Variants in CDCA2 observed in about 807,000 individuals in gnomAD.
CDCA2 encodes the protein cell division cycle associated 2, also known as cell division cycle-associated protein 2.
CDCA2 carries 44 observed loss-of-function variants against 67.0 expected under a neutral mutation model. That is an observed-to-expected ratio of 0.66 (90% CI 0.52 to 0.84). The LOEUF is 0.84. Ranked by LOEUF, CDCA2 falls within the 40% of genes least tolerant of loss-of-function variation. CDCA2 has a pLI of 0.00. For missense variants in CDCA2, 1,253 were observed against 1,203.2 expected (o/e 1.04, Z -0.61); for synonymous variants, 447 against 418.7 (o/e 1.07, Z -0.82).
At chr8:25,462,456 A>G (rs1289813058) in intron 4 of CDCA2, among the ~76,000 whole-genome samples, 4 of 152,200 alleles carry the variant, frequency 2.6e-5, no homozygotes, top group Admixed American at 6.5e-5. Context: ...GTGAAACCCC[A>G]TCTCTACTAA....
At chr8:25,485,024 T>G (rs928632351) in intron 10 of CDCA2, among the ~76,000 whole-genome samples, 6 of 152,118 alleles carry the variant, frequency 3.9e-5, no homozygotes, top group African/African-American at 1.2e-4. Flanking sequence ...GCAAAGCCAT[T>G]TAATGTTTGA....
intron 5 of CDCA2, among the ~76,000 whole-genome samples, chr8:25,467,066 ACACAC>A (rs1361619216): frequency 2.0e-5 from 2 of 102,450 alleles, no homozygotes; most frequent in African/African-American, 8.4e-5. Flanking sequence ...AAAAAAAAAA[ACACAC>A]ACACACACAC....
intron 8 of CDCA2, among the ~76,000 whole-genome samples, chr8:25,482,000 A>G (rs1045510086): frequency 6.6e-6 from 1 of 152,202 alleles, no homozygotes; most frequent in African/African-American, 2.4e-5. Context: ...ATTCTTGATA[A>G]CAAGGACTGG....
At chr8:25,474,145 A>G (rs1336890406) in intron 7 of CDCA2, among the ~76,000 whole-genome samples, 3 of 152,200 alleles carry the variant, frequency 2.0e-5, no homozygotes, top group Non-Finnish European at 4.4e-5. Flanking sequence ...GGATAAATCT[A>G]ATTTGATCAT....
intron 7 of CDCA2, among the ~76,000 whole-genome samples, chr8:25,472,512 A>G (rs1803197687): frequency 6.6e-6 from 1 of 152,050 alleles, no homozygotes; most frequent in South Asian, 2.1e-4. Flanking sequence ...TGGCCTCCCA[A>G]AGTGCTGGGA....
At chr8:25,490,249 C>A (rs1187033906) in intron 13 of CDCA2, among the ~76,000 whole-genome samples, 1 of 151,884 alleles carries the variant, frequency 6.6e-6, no homozygotes, top group African/African-American at 2.4e-5. Context: ...AGAATATACA[C>A]CTATTCATAT....
Position 25,484,158 on chromosome 8 carries a change from C to T in CDCA2, c.1313C>T (p.Pro438Leu). Residue 438 changes from proline to leucine, a missense_variant, in exon 10 of 15, where the codon CCT (proline) becomes CTT (leucine). By Grantham distance (98) the Pro-to-Leu change is moderately conservative. Transcript: ENST00000330560. ...AGTTCCCTGCTGCTTGAGCAGTCAC[C>T]TGTTCCTGAGCCATTACCTCAACCA... ...GLSSLLLEQS[P>L]VPEPLPQPDF... 2 of 1,614,204 alleles carry T rather than the reference C, an allele frequency of 1.2e-6. No individual in the cohort carries two copies. The highest frequency in any genetic ancestry group is 1.7e-6 in the Non-Finnish European group (2 of 1,180,040).
chr8:25,501,876 A>G (rs1452719332), intron 13 of CDCA2, among the ~76,000 whole-genome samples: 2 of 152,032 alleles, frequency 1.3e-5, no homozygotes, highest in East Asian at 3.9e-4. Flanking sequence ...TCCACTTTCC[A>G]GATGTTTGTT....
rs749303330 is a variant in CDCA2, at chr8:25,466,209, T to C, written c.422T>C (p.Leu141Ser). 4 of 1,611,534 alleles carry C rather than the reference T, an allele frequency of 2.5e-6. No homozygotes were observed. The highest frequency in any genetic ancestry group is 3.4e-6 in the Non-Finnish European group (4 of 1,179,476). The change falls in exon 5 of 15, where the codon TTA (leucine) becomes TCA (serine). Residue 141 changes from leucine to serine, a missense_variant. Physicochemically the swap from Leu to Ser is moderately radical, Grantham distance 145 (BLOSUM62 -2). Coordinates refer to ENST00000330560, the MANE Select transcript of CDCA2 (RefSeq NM_152562.4). ...GCACTGTATCGAAATGTTAACACTT[T>C]AAGAGAACGAATATCAGCCTTCCAG... ...SPALYRNVNT[L>S]RERISAFQSA...
rs750340537 is a variant in CDCA2, at chr8:25,507,068, C to G, written c.2402C>G (p.Thr801Arg). 6 of 1,613,906 alleles carry G rather than the reference C, an allele frequency of 3.7e-6. No homozygotes were observed. Among genetic ancestry groups the G allele is most frequent in the South Asian group, 2.2e-5 (2 of 91,050 alleles). The change falls in exon 15 of 15, where the codon ACG becomes AGG. Residue 801 changes from threonine to arginine, a missense_variant. Coordinates refer to ENST00000330560, the MANE Select transcript of CDCA2 (RefSeq NM_152562.4). Reference protein sequence around the residue: ...HCLGDVLIENTKESKSQSEDL... With the variant: ...HCLGDVLIENRKESKSQSEDL... Reference sequence around the variant, plus strand: ...TTAGGAGATGTCTTAATTGAAAATACGAAAGAATCTAAAAGCCAGAGTGAG... The same window carrying G: ...TTAGGAGATGTCTTAATTGAAAATAGGAAAGAATCTAAAAGCCAGAGTGAG...
At chr8:25,491,076 G>C (rs1002788390) in intron 13 of CDCA2, among the ~76,000 whole-genome samples, 6 of 152,114 alleles carry the variant, frequency 3.9e-5, no homozygotes, top group Non-Finnish European at 8.8e-5. Context: ...TAAAAGTAAG[G>C]AGATACTATG....
chr8:25,468,556 T>TGTGTGTGCGC (rs1488757943), intron 6 of CDCA2, 143 bp downstream of exon 6: 3 of 494,052 alleles, frequency 6.1e-6, no homozygotes, highest in Admixed American at 7.4e-5. Flanking sequence ...TGTGTGTGTG[T>TGTGTGTGCGC]GCGTGTGTGT....
At chr8:25,468,552 TGTGTGC>T (rs981394889) in intron 6 of CDCA2, 139 bp downstream of exon 6, 3 of 501,182 alleles carry the variant, frequency 6.0e-6, no homozygotes, top group African/African-American at 2.0e-5. Flanking sequence ...TGTGTGTGTG[TGTGTGC>T]GTGTGTGTGT....
rs528474066 is a variant in CDCA2 at position 25,507,423 on chromosome 8, C to G, written c.2757C>G (p.Ala919=). 3.0e-5 allele frequency: 48 copies of G among 1,613,924 alleles called. No homozygotes were observed. In the East Asian group the frequency reaches 1.0e-3, roughly 35 times the overall value. The change falls in exon 15 of 15, where the codon GCC becomes GCG. Residue 919 remains alanine, a synonymous_variant. Transcript: ENST00000330560. ...CACTTCCTTCCACTTCCCAAAAAGCCAAAAGAAGAACAATATGTACATTTG... is the reference window on the plus strand; with the variant it reads ...CACTTCCTTCCACTTCCCAAAAAGCGAAAAGAAGAACAATATGTACATTTG... ...SLPLPSTSQK[A]KRRTICTFDS... is the part of the protein sequence containing the mutation.
intron 9 of CDCA2, 117 bp from the exon 10 acceptor site, chr8:25,483,849 T>C: frequency 1.1e-6 from 1 of 880,704 alleles, no homozygotes; most frequent in Non-Finnish European, 1.7e-6. Context: ...TTTGCTTTAC[T>C]AGCTATTATA....
chr8:25,460,841 C>T (rs1586455277), intron 3 of CDCA2, among the ~76,000 whole-genome samples: 1 of 152,060 alleles, frequency 6.6e-6, no homozygotes, highest in East Asian at 1.9e-4. Flanking sequence ...TGACCTGTCA[C>T]CTAGGATACA....
intron 13 of CDCA2, among the ~76,000 whole-genome samples, chr8:25,500,251 C>CTTTTTT (rs775778769): frequency 7.5e-6 from 1 of 133,072 alleles, no homozygotes; most frequent in African/African-American, 2.7e-5. Flanking sequence ...AAGAGGGGAT[C>CTTTTTT]TTTTTTTTTT....
At chr8:25,472,846 AT>A (rs199945154) in intron 7 of CDCA2, among the ~76,000 whole-genome samples, 4 of 150,948 alleles carry the variant, frequency 2.6e-5, no homozygotes, top group African/African-American at 7.3e-5. Context: ...CTTACCTGTC[AT>A]TTTTTTTTAT....
At chr8:25,482,705 C>A (rs1191159695) in intron 8 of CDCA2, among the ~76,000 whole-genome samples, 1 of 151,918 alleles carries the variant, frequency 6.6e-6, no homozygotes, top group African/African-American at 2.4e-5. Context: ...CTCGTCTCTA[C>A]AAAAAAATAC....
Sources: allele counts gnomAD v4.1 joint callset (sites outside exome capture counted in the v4.1 genomes callset), GRCh38; gene constraint gnomAD v4.1.1; transcripts MANE v1.5; gene names NCBI Gene and HGNC (gene_info 2026-07-23, HGNC 2026-07-21).